Variants in ARHGAP15 observed in about 807,000 individuals in gnomAD.
ARHGAP15 encodes rho GTPase-activating protein 15.
Under a neutral mutation model 63.7 loss-of-function variants are expected in ARHGAP15, and 51 were observed. The observed-to-expected ratio is 0.80, with a 90% CI of 0.64 to 1.01. The LOEUF is 1.01. Ranked by LOEUF, ARHGAP15 falls within the 50% of genes least tolerant of loss-of-function variation. The pLI, the probability that ARHGAP15 is intolerant of heterozygous loss-of-function variation, is 0.00. For synonymous variants in ARHGAP15, 191 were observed against 193.8 expected (o/e 0.99, Z 0.12); for missense variants, 560 against 564.6 (o/e 0.99, Z 0.08).
At chr2:143,733,836 A>G (rs978806842) in intron 13 of ARHGAP15, among the ~76,000 whole-genome samples, 3 of 152,148 alleles carry the variant, frequency 2.0e-5, no homozygotes, top group Non-Finnish European at 4.4e-5. Flanking sequence ...AATACCTAAG[A>G]TGGAATTTCT....
intron 13 of ARHGAP15, among the ~76,000 whole-genome samples, chr2:143,743,710 C>A (rs1372841611): frequency 1.3e-5 from 2 of 152,052 alleles, no homozygotes; most frequent in East Asian, 3.9e-4. Flanking sequence ...TAAAACATAT[C>A]AAGGGGATAT....
chr2:143,264,244 T>A (rs1680883828), intron 6 of ARHGAP15, among the ~76,000 whole-genome samples: 1 of 152,050 alleles, frequency 6.6e-6, no homozygotes, highest in Non-Finnish European at 1.5e-5. Context: ...GCTGAAGCCA[T>A]AGAGTTGTCT....
intron 11 of ARHGAP15, among the ~76,000 whole-genome samples, chr2:143,586,470 A>T (rs554533297): frequency 1.3e-5 from 2 of 151,944 alleles, no homozygotes; most frequent in South Asian, 4.1e-4. Flanking sequence ...TTATGTCTTT[A>T]ATCTTTTTCT....
intron 5 of ARHGAP15, among the ~76,000 whole-genome samples, chr2:143,234,081 CT>C (rs1436082482): frequency 1.3e-5 from 2 of 152,042 alleles, no homozygotes; most frequent in Non-Finnish European, 2.9e-5. Context: ...ATATTTTTGT[CT>C]TTCTGAGCTG....
chr2:143,762,399 C>T (rs1322291764), intron 13 of ARHGAP15, among the ~76,000 whole-genome samples: 1 of 152,054 alleles, frequency 6.6e-6, no homozygotes, highest in East Asian at 1.9e-4. Flanking sequence ...TAAATGGTAG[C>T]TCAAACTTTA....
At chr2:143,390,008 TA>T (rs140037498) in intron 6 of ARHGAP15, among the ~76,000 whole-genome samples, 4,396 of 135,208 alleles carry the variant, frequency 0.033, 60 homozygotes, top group African/African-American at 0.049. Flanking sequence ...AGTCCTTTAT[TA>T]AAAAAAAAAA....
intron 6 of ARHGAP15, among the ~76,000 whole-genome samples, chr2:143,377,550 T>C (rs1686872415): frequency 6.6e-6 from 1 of 151,980 alleles, no homozygotes; most frequent in Non-Finnish European, 1.5e-5. Context: ...GAAGCTAGTT[T>C]TGTTTCCTAT....
intron 11 of ARHGAP15, among the ~76,000 whole-genome samples, chr2:143,603,585 A>T (rs1282423393): frequency 6.6e-6 from 1 of 152,166 alleles, no homozygotes; most frequent in Admixed American, 6.6e-5. Flanking sequence ...GCATCTAATG[A>T]TTGAAAGGAC....
intron 12 of ARHGAP15, among the ~76,000 whole-genome samples, chr2:143,673,079 T>C (rs549885675): frequency 7.9e-5 from 12 of 152,236 alleles, no homozygotes; most frequent in South Asian, 4.1e-4. Flanking sequence ...GTGCCAGCTT[T>C]CCACCTGGGC....
chr2:143,352,036 G>T (rs1685596586), intron 6 of ARHGAP15, among the ~76,000 whole-genome samples: 1 of 152,102 alleles, frequency 6.6e-6, no homozygotes, highest in African/African-American at 2.4e-5. Context: ...CAAGAATTAA[G>T]ACAAAGCTTC....
intron 8 of ARHGAP15, among the ~76,000 whole-genome samples, chr2:143,459,480 A>G (rs891756883): frequency 6.6e-6 from 1 of 152,146 alleles, no homozygotes; most frequent in Non-Finnish European, 1.5e-5. Flanking sequence ...AATCTTATCA[A>G]CTACTATATT....
At chr2:143,760,389 C>T (rs1464676675) in intron 13 of ARHGAP15, among the ~76,000 whole-genome samples, 1 of 152,048 alleles carries the variant, frequency 6.6e-6, no homozygotes, top group East Asian at 1.9e-4. Context: ...TCTACTATGT[C>T]AGGGTTTTGG....
At chr2:143,273,275 TA>T (rs983880855) in intron 6 of ARHGAP15, among the ~76,000 whole-genome samples, 14 of 151,700 alleles carry the variant, frequency 9.2e-5, no homozygotes, top group East Asian at 3.9e-4. Context: ...ACAAATTAGT[TA>T]AAAAAAAATT....
At chr2:143,356,358 A>G (rs916517645) in intron 6 of ARHGAP15, among the ~76,000 whole-genome samples, 4 of 152,300 alleles carry the variant, frequency 2.6e-5, no homozygotes, top group Admixed American at 6.5e-5. Context: ...ATGAATTAAT[A>G]TAGGTACTGC....
intron 3 of ARHGAP15, among the ~76,000 whole-genome samples, chr2:143,205,581 A>C (rs566497729): frequency 6.6e-6 from 1 of 152,240 alleles, no homozygotes; most frequent in East Asian, 1.9e-4. Flanking sequence ...CTTGTGATAC[A>C]CAGGTCTATG....
intron 12 of ARHGAP15, among the ~76,000 whole-genome samples, chr2:143,680,895 C>T (rs1316553441): frequency 1.3e-5 from 2 of 152,184 alleles, no homozygotes; most frequent in Admixed American, 6.5e-5. Flanking sequence ...TCCCAAAAGA[C>T]AGATTACTAC....
chr2:143,637,576 T>A (rs1328463698), intron 12 of ARHGAP15, among the ~76,000 whole-genome samples: 1 of 152,114 alleles, frequency 6.6e-6, no homozygotes, highest in Non-Finnish European at 1.5e-5. Flanking sequence ...CCTAGTATTG[T>A]GATATTTACA....
chr2:143,470,826 T>A (rs1425507066), intron 8 of ARHGAP15, among the ~76,000 whole-genome samples: 3 of 150,098 alleles, frequency 2.0e-5, no homozygotes, highest in Non-Finnish European at 4.4e-5. Flanking sequence ...CTCCAAACAG[T>A]TTCGCATATA....
rs1435758630 is a variant in ARHGAP15, at chr2:143,205,321, C to T, written c.234+3119C>T. Among the ~76,000 whole-genome samples, 2 of 151,472 alleles carry T rather than the reference C, an allele frequency of 1.3e-5. 1 individual carries two copies. The highest frequency in any genetic ancestry group is 6.4e-3 in the Middle Eastern group (2 of 314). On this transcript the variant is annotated intron_variant, in intron 3 of 13. Coordinates refer to ENST00000295095, the MANE Select transcript of ARHGAP15 (RefSeq NM_018460.4). ...GAACAAACAAGAAACCACACCATTT[C>T]CATGTACACTTCTGTTACCTTAATT... is the stretch of plus-strand genomic sequence containing the variant.
Sources: gnomAD v4.1 joint callset for allele counts (sites outside exome capture counted in the v4.1 genomes callset) on GRCh38, gnomAD v4.1.1 for gene constraint, MANE v1.5 for transcripts, NCBI Gene and HGNC (gene_info 2026-07-23, HGNC 2026-07-21) for gene names.